Variants in CSMD1 observed in about 807,000 individuals in gnomAD.
CSMD1 encodes the protein CUB and Sushi multiple domains 1, also known as CUB and sushi domain-containing protein 1.
A neutral mutation model predicts 417.5 loss-of-function variants in CSMD1; 213 were observed. The ratio of observed to expected loss-of-function variants is 0.51; its 90% confidence interval spans 0.46 to 0.57. The LOEUF (loss-of-function observed/expected upper bound fraction) is 0.57. CSMD1 is among the 20% of genes least tolerant of loss of function. The probability of loss-of-function intolerance (pLI) is 0.00; values close to 1 mark genes in which losing one functional copy is unlikely to be tolerated. For missense variants in CSMD1, 6,923 were observed against 4,529.7 expected (o/e 1.53, Z -15.17); for synonymous variants, 2,862 against 1,736.8 (o/e 1.65, Z -16.11).
chr8:4,426,720 T>G (rs1368943542), intron 2 of CSMD1, among the ~76,000 whole-genome samples: 1 of 147,598 alleles, frequency 6.8e-6, no homozygotes, highest in Non-Finnish European at 1.5e-5. Context: ...AATATTTTAT[T>G]ACTATATACA....
chr8:3,072,772 G>A (rs915232173), intron 49 of CSMD1, among the ~76,000 whole-genome samples: 4 of 152,106 alleles, frequency 2.6e-5, no homozygotes, highest in African/African-American at 7.2e-5. Flanking sequence ...GCATAGCATC[G>A]TATTGGTTAG....
chr8:4,169,134 G>A (rs1797621903), intron 3 of CSMD1, among the ~76,000 whole-genome samples: 1 of 152,142 alleles, frequency 6.6e-6, no homozygotes, highest in South Asian at 2.1e-4. Context: ...GCTCACTGGT[G>A]GTGATGCCCA....
intron 22 of CSMD1, among the ~76,000 whole-genome samples, chr8:3,346,684 C>A (rs1481641033): frequency 1.3e-5 from 2 of 152,284 alleles, no homozygotes; most frequent in Admixed American, 1.3e-4. Context: ...AAGTGGAGCC[C>A]GGCGGGGGCT....
chr8:3,190,834 G>A (rs1185593372), intron 33 of CSMD1, among the ~76,000 whole-genome samples: 3 of 152,162 alleles, frequency 2.0e-5, no homozygotes, highest in African/African-American at 2.4e-5. Flanking sequence ...TGAGGACATC[G>A]TGCTAAGTGA....
At chr8:4,388,114 C>G (rs1439151785) in intron 3 of CSMD1, among the ~76,000 whole-genome samples, 5 of 152,112 alleles carry the variant, frequency 3.3e-5, no homozygotes, top group African/African-American at 1.2e-4. Context: ...GCTGTCTCTG[C>G]CCAGCTAAAT....
chr8:4,717,572 A>G (rs1463865474), intron 1 of CSMD1, among the ~76,000 whole-genome samples: 1 of 139,790 alleles, frequency 7.2e-6, no homozygotes, highest in African/African-American at 2.6e-5. Flanking sequence ...CTATCCATCC[A>G]TCCATCCATC....
At chr8:4,143,720 A>G (rs1803938654) in intron 3 of CSMD1, among the ~76,000 whole-genome samples, 1 of 151,130 alleles carries the variant, frequency 6.6e-6, no homozygotes, top group Non-Finnish European at 1.5e-5. Flanking sequence ...AAGGAAAGAA[A>G]CATAGGAAGG....
chr8:4,778,082 A>G (rs903656256), intron 1 of CSMD1, among the ~76,000 whole-genome samples: 2 of 152,186 alleles, frequency 1.3e-5, no homozygotes, highest in Non-Finnish European at 2.9e-5. Flanking sequence ...TACTGGTGCA[A>G]TATTTTAAAA....
At chr8:4,929,657 A>G (rs1807108606) in intron 1 of CSMD1, among the ~76,000 whole-genome samples, 1 of 152,212 alleles carries the variant, frequency 6.6e-6, no homozygotes, top group African/African-American at 2.4e-5. Context: ...CTGACACATC[A>G]TTCTACACAT....
chr8:4,799,767 T>A (rs1204296340), intron 1 of CSMD1, among the ~76,000 whole-genome samples: 1 of 152,034 alleles, frequency 6.6e-6, no homozygotes, highest in Non-Finnish European at 1.5e-5. Context: ...CTGGAAATTT[T>A]ACGTATAGGA....
chr8:4,462,954 G>T (rs866464547), intron 2 of CSMD1, among the ~76,000 whole-genome samples: 1 of 152,098 alleles, frequency 6.6e-6, no homozygotes, highest in Non-Finnish European at 1.5e-5. Context: ...AGAATTAACT[G>T]GAATTCATCA....
At chr8:4,195,865 C>A (rs778801834) in intron 3 of CSMD1, among the ~76,000 whole-genome samples, 37 of 152,180 alleles carry the variant, frequency 2.4e-4, no homozygotes, top group Non-Finnish European at 4.9e-4. Context: ...TCATAGCATG[C>A]GAGACTTACG....
intron 48 of CSMD1, 135 bp downstream of exon 48, chr8:3,091,381 A>C (rs953570929): frequency 2.4e-5 from 14 of 574,866 alleles, no homozygotes; most frequent in Non-Finnish European, 3.5e-5. Context: ...TACCCATCAT[A>C]TATTTCTACT....
chr8:4,242,699 G>A (rs1389800634), intron 3 of CSMD1, among the ~76,000 whole-genome samples: 1 of 136,896 alleles, frequency 7.3e-6, no homozygotes, highest in Non-Finnish European at 1.7e-5. Context: ...TCACTCTGCT[G>A]TGAGTGGAGC....
At chr8:3,615,757 T>C (rs1490321396) in intron 8 of CSMD1, among the ~76,000 whole-genome samples, 1 of 152,186 alleles carries the variant, frequency 6.6e-6, no homozygotes, top group Non-Finnish European at 1.5e-5. Context: ...TGAACCTTTT[T>C]TTGGATTTTT....
intron 3 of CSMD1, among the ~76,000 whole-genome samples, chr8:4,373,615 A>T (rs947439413): frequency 1.3e-5 from 2 of 152,222 alleles, no homozygotes. Flanking sequence ...TGATTCATGA[A>T]CATAACTGAA....
At chr8:4,216,061 G>A (rs181791367) in intron 3 of CSMD1, among the ~76,000 whole-genome samples, 1 of 152,288 alleles carries the variant, frequency 6.6e-6, no homozygotes, top group East Asian at 1.9e-4. Context: ...CAGCCTATGG[G>A]AAGAAAGGGA....
chr8:3,981,967 T>G (rs948575440), intron 5 of CSMD1, among the ~76,000 whole-genome samples: 3 of 151,824 alleles, frequency 2.0e-5, no homozygotes, highest in African/African-American at 7.3e-5. Context: ...TTCAGGAGAT[T>G]GAGACCATCC....
At chr8:3,516,194 T>C (rs2117425119) in intron 10 of CSMD1, among the ~76,000 whole-genome samples, 1 of 152,310 alleles carries the variant, frequency 6.6e-6, no homozygotes, top group South Asian at 2.1e-4. Flanking sequence ...GTCTCCAAAT[T>C]TGAATATAAC....
Sources: allele counts gnomAD v4.1 joint callset (sites outside exome capture counted in the v4.1 genomes callset), GRCh38; gene constraint gnomAD v4.1.1; transcripts MANE v1.5; gene names NCBI Gene and HGNC (gene_info 2026-07-23, HGNC 2026-07-21).